ASAP1: variants seen among roughly 807,000 people sequenced by gnomAD.
ASAP1 encodes the protein ArfGAP with SH3 domain, ankyrin repeat and PH domain 1, also known as arf-GAP with SH3 domain, ANK repeat and PH domain-containing protein 1.
In ASAP1, 43 loss-of-function variants were observed where a neutral mutation model predicts 145.2. The observed-to-expected ratio is 0.30, with a 90% confidence interval of 0.23 to 0.38. The LOEUF is 0.38. Among genes scored for constraint, ASAP1 ranks in the 10% least tolerant of loss-of-function variants. ASAP1 has a pLI of 1.00. For missense variants in ASAP1, 1,018 were observed against 1,355.3 expected, an observed-to-expected ratio of 0.75 and a Z score of 3.91; for synonymous variants, 546 against 515.5, an observed-to-expected ratio of 1.06 and a Z score of -0.80.
At chr8:130,428,238 C>G (rs994037931) in intron 1 of ASAP1, among the ~76,000 whole-genome samples, 1 of 151,782 alleles carries the variant, frequency 6.6e-6, no homozygotes, top group Non-Finnish European at 1.5e-5. Context: ...TCACCTGCTC[C>G]TAGTATAATA....
At chr8:130,399,883 A>G (rs1356381351) in intron 2 of ASAP1, among the ~76,000 whole-genome samples, 4 of 144,848 alleles carry the variant, frequency 2.8e-5, no homozygotes, top group Non-Finnish European at 4.5e-5. Flanking sequence ...ACAATGGCGC[A>G]ATCTCGGCTC....
chr8:130,224,239 C>G (rs978400734), intron 4 of ASAP1, among the ~76,000 whole-genome samples: 45 of 152,162 alleles, frequency 3.0e-4, no homozygotes, highest in Admixed American at 5.9e-4. Context: ...ATATAAAATA[C>G]AGTGAGCTAT....
intron 1 of ASAP1, among the ~76,000 whole-genome samples, chr8:130,420,011 G>A (rs1028472120): frequency 9.5e-5 from 14 of 147,834 alleles, no homozygotes; most frequent in Non-Finnish European, 1.9e-4. Flanking sequence ...GGCTGGTCTC[G>A]AACTCCTGGT....
chr8:130,104,278 T>TAATAAAGA (rs2097533492), intron 24 of ASAP1, among the ~76,000 whole-genome samples: 1 of 152,248 alleles, frequency 6.6e-6, no homozygotes, highest in African/African-American at 2.4e-5. Flanking sequence ...CTGCTAGCCA[T>TAATAAAGA]AATAAAGAAA....
intron 3 of ASAP1, among the ~76,000 whole-genome samples, chr8:130,285,059 A>G (rs1821521970): frequency 6.6e-6 from 1 of 152,218 alleles, no homozygotes; most frequent in African/African-American, 2.4e-5. Context: ...AGATGGTCCT[A>G]GTGGTTCCTT....
At chr8:130,219,796 T>G (rs1340237447) in intron 4 of ASAP1, among the ~76,000 whole-genome samples, 1 of 152,230 alleles carries the variant, frequency 6.6e-6, no homozygotes, top group Admixed American at 6.5e-5. Flanking sequence ...AATTGTTTTG[T>G]TGCTGATGTT....
chr8:130,146,373 T>C (rs1444858279), intron 13 of ASAP1, among the ~76,000 whole-genome samples: 1 of 152,188 alleles, frequency 6.6e-6, no homozygotes, highest in Non-Finnish European at 1.5e-5. Context: ...CAACAGCACA[T>C]ACTCTAACCA....
intron 3 of ASAP1, among the ~76,000 whole-genome samples, chr8:130,262,626 C>A (rs1436178131): frequency 6.6e-6 from 1 of 151,988 alleles, no homozygotes; most frequent in African/African-American, 2.4e-5. Context: ...ACTAAAAGAA[C>A]CCCTTACTTT....
chr8:130,185,641 A>T lies in ASAP1; in HGVS notation c.530+1595T>A, dbSNP rs1814662569. 1.3e-5 allele frequency among the ~76,000 whole-genome samples: 2 copies of T among 150,432 alleles called. 1 individual carries two copies. Among genetic ancestry groups the T allele is most frequent in the Admixed American group, 1.3e-4 (2 of 15,040 alleles). ...TTACTCGGGAGGCTGAGGCAGGAGAATCGCTTGAACCCAGGAGGCAGAGGC... is the reference window on the plus strand; with the variant it reads ...TTACTCGGGAGGCTGAGGCAGGAGATTCGCTTGAACCCAGGAGGCAGAGGC... On this transcript the variant is annotated intron_variant, in intron 7 of 29. Transcript: ENST00000518721.
chr8:130,120,833 G>C lies in ASAP1; in HGVS notation c.1608-2158C>G, dbSNP rs149323703. 3.0e-3 allele frequency among the ~76,000 whole-genome samples: 464 copies of C among 152,290 alleles called. 1 individual carries two copies. Among genetic ancestry groups the C allele is most frequent in the African/African-American group, 0.011 (446 of 41,560 alleles). ...ACTTTTTATGGGCACTCAGCCCATA[G>C]TCCCCTGGCAATTTAATGTTTTCTG... is the stretch of plus-strand genomic sequence containing the variant. On this transcript the variant is annotated intron_variant, in intron 18 of 29. Coordinates refer to ENST00000518721, the MANE Select transcript of ASAP1 (RefSeq NM_018482.4).
intron 18 of ASAP1, among the ~76,000 whole-genome samples, chr8:130,122,851 A>G (rs979681648): frequency 6.6e-6 from 1 of 152,216 alleles, no homozygotes; most frequent in Admixed American, 6.5e-5. Context: ...AGGACATAAA[A>G]ACCCATGTTG....
intron 24 of ASAP1, among the ~76,000 whole-genome samples, chr8:130,100,659 A>C (rs1276823144): frequency 6.6e-6 from 1 of 152,146 alleles, no homozygotes; most frequent in Non-Finnish European, 1.5e-5. Flanking sequence ...ATGTCTGTTC[A>C]GATCCTTTGC....
At chr8:130,405,947 C>G (rs1829008757) in intron 1 of ASAP1, among the ~76,000 whole-genome samples, 1 of 152,198 alleles carries the variant, frequency 6.6e-6, no homozygotes, top group Non-Finnish European at 1.5e-5. Flanking sequence ...TGTTCCTATA[C>G]TAGTCAAGAA....
intron 3 of ASAP1, among the ~76,000 whole-genome samples, chr8:130,308,925 A>G (rs1823158405): frequency 6.6e-6 from 1 of 152,162 alleles, no homozygotes; most frequent in African/African-American, 2.4e-5. Context: ...GCCTCAAAAA[A>G]AAGAATGACA....
chr8:130,176,244 C>G (rs1351260528), intron 9 of ASAP1, among the ~76,000 whole-genome samples: 2 of 152,124 alleles, frequency 1.3e-5, no homozygotes, highest in African/African-American at 4.8e-5. Flanking sequence ...ACTTTGGGAA[C>G]TGAAGTAAGT....
At chr8:130,121,929 C>T (rs2097566887) in intron 18 of ASAP1, among the ~76,000 whole-genome samples, 1 of 152,054 alleles carries the variant, frequency 6.6e-6, no homozygotes. Context: ...CTGGCTCCAC[C>T]TCTATCTTGC....
At chr8:130,129,473 G>GA (rs35009361) in intron 15 of ASAP1, among the ~76,000 whole-genome samples, 1 of 151,916 alleles carries the variant, frequency 6.6e-6, no homozygotes, top group African/African-American at 2.4e-5. Flanking sequence ...TCATGAATGA[G>GA]AAAAAAGCCA....
chr8:130,212,857 C>G (rs1816671392), intron 5 of ASAP1, among the ~76,000 whole-genome samples: 1 of 152,160 alleles, frequency 6.6e-6, no homozygotes, highest in Admixed American at 6.5e-5. Context: ...GGTCCAGGAA[C>G]CTTGGAGGTG....
chr8:130,079,506 G>A (rs2097473646), intron 26 of ASAP1, among the ~76,000 whole-genome samples: 1 of 152,066 alleles, frequency 6.6e-6, no homozygotes, highest in Admixed American at 6.6e-5. Context: ...TTTCCCTAAG[G>A]ATTATCTTTT....
Sources: gnomAD v4.1 joint callset for allele counts (sites outside exome capture counted in the v4.1 genomes callset) on GRCh38, gnomAD v4.1.1 for gene constraint, MANE v1.5 for transcripts, NCBI Gene and HGNC (gene_info 2026-07-23, HGNC 2026-07-21) for gene names.